SORCS2: variants seen among roughly 807,000 people sequenced by gnomAD.
The protein encoded by SORCS2 is sortilin related VPS10 domain containing receptor 2.
A neutral mutation model predicts 141.6 loss-of-function variants in SORCS2; 100 were observed. That is an observed-to-expected ratio of 0.71 (90% CI 0.60 to 0.83). The LOEUF is 0.83. Among genes scored for constraint, SORCS2 ranks in the 40% least tolerant of loss-of-function variants. SORCS2 has a pLI of 0.00. For synonymous variants in SORCS2, 789 were observed against 676.9 expected (o/e 1.17, Z -2.57); for missense variants, 1,646 against 1,560.2 (o/e 1.05, Z -0.93).
chr4:7,394,544 A>G (rs1366826108), intron 1 of SORCS2, among the ~76,000 whole-genome samples: 1 of 145,546 alleles, frequency 6.9e-6, no homozygotes, highest in Non-Finnish European at 1.5e-5. Context: ...AGAGCATCCC[A>G]GGGTGAGGAA....
intron 3 of SORCS2, among the ~76,000 whole-genome samples, chr4:7,544,295 T>G (rs1458691797): frequency 2.0e-5 from 3 of 152,202 alleles, no homozygotes; most frequent in Non-Finnish European, 4.4e-5. Flanking sequence ...TGAGGTGACA[T>G]CAAGGTGAGA....
At chr4:7,553,182 C>T (rs1056859854) in intron 3 of SORCS2, among the ~76,000 whole-genome samples, 1 of 152,032 alleles carries the variant, frequency 6.6e-6, no homozygotes, top group African/African-American at 2.4e-5. Context: ...CCACAAGGTC[C>T]TAGTGAGATC....
At chr4:7,696,563 C>T (rs754788990) in intron 11 of SORCS2, among the ~76,000 whole-genome samples, 4 of 152,202 alleles carry the variant, frequency 2.6e-5, no homozygotes, top group Non-Finnish European at 5.9e-5. Context: ...CTGCCCACAG[C>T]ATTAAGTCTG....
At chr4:7,595,783 G>C (rs1717235024) in intron 3 of SORCS2, among the ~76,000 whole-genome samples, 1 of 152,172 alleles carries the variant, frequency 6.6e-6, no homozygotes, top group Non-Finnish European at 1.5e-5. Context: ...AGGGACAGTG[G>C]TTCTGACTCT....
intron 2 of SORCS2, among the ~76,000 whole-genome samples, chr4:7,521,071 C>CA (rs1287970352): frequency 6.6e-6 from 1 of 152,062 alleles, no homozygotes; most frequent in East Asian, 1.9e-4. Context: ...CCTTGGGACT[C>CA]AGTTTCCTGG....
chr4:7,617,108 A>C (rs775543700), intron 3 of SORCS2, among the ~76,000 whole-genome samples: 3 of 152,182 alleles, frequency 2.0e-5, no homozygotes, highest in Non-Finnish European at 4.4e-5. Flanking sequence ...AGAATTCTGA[A>C]TATTTTGACT....
chr4:7,282,758 G>A (rs944359878), intron 1 of SORCS2, among the ~76,000 whole-genome samples: 4 of 152,306 alleles, frequency 2.6e-5, no homozygotes, highest in South Asian at 2.1e-4. Context: ...GTCTCACCGC[G>A]AGGCTCAGCC....
intron 1 of SORCS2, among the ~76,000 whole-genome samples, chr4:7,219,118 G>A (rs1315551126): frequency 1.3e-5 from 2 of 151,666 alleles, no homozygotes; most frequent in Non-Finnish European, 2.9e-5. Context: ...CCTCCTGCTT[G>A]TTTCCTTAAT....
intron 3 of SORCS2, among the ~76,000 whole-genome samples, chr4:7,585,255 A>G (rs1044499269): frequency 1.2e-4 from 19 of 152,358 alleles, no homozygotes; most frequent in Admixed American, 9.8e-4. Context: ...TATCACAGGA[A>G]GAATGAGTTG....
intron 8 of SORCS2, 48 bp downstream of exon 8, chr4:7,667,261 T>C (rs765328066): frequency 1.3e-6 from 2 of 1,551,170 alleles, no homozygotes; most frequent in Admixed American, 3.4e-5. Flanking sequence ...ACCCTAAGCT[T>C]ATCCTGACTC....
intron 3 of SORCS2, among the ~76,000 whole-genome samples, chr4:7,625,136 G>A (rs757040853): frequency 4.1e-4 from 62 of 152,186 alleles, no homozygotes; most frequent in Non-Finnish European, 8.1e-4. Flanking sequence ...ATGTTTCCTG[G>A]CATTTTAGCA....
chr4:7,641,141 C>G (rs1298928639), intron 4 of SORCS2, among the ~76,000 whole-genome samples: 2 of 152,228 alleles, frequency 1.3e-5, no homozygotes, highest in African/African-American at 4.8e-5. Context: ...TCCTGTGCCT[C>G]TCTTTCTCAA....
chr4:7,428,398 A>G (rs932143293), intron 2 of SORCS2, among the ~76,000 whole-genome samples: 2 of 152,202 alleles, frequency 1.3e-5, no homozygotes, highest in Admixed American at 1.3e-4. Flanking sequence ...TCTTGGTGAC[A>G]GGACTGTGGC....
intron 1 of SORCS2, among the ~76,000 whole-genome samples, chr4:7,282,756 G>A (rs989128472): frequency 2.3e-4 from 35 of 152,282 alleles, no homozygotes; most frequent in African/African-American, 4.8e-4. Flanking sequence ...TAGTCTCACC[G>A]CGAGGCTCAG....
chr4:7,472,909 T>A (rs1730065027), intron 2 of SORCS2, among the ~76,000 whole-genome samples: 1 of 137,954 alleles, frequency 7.2e-6, no homozygotes, highest in African/African-American at 2.6e-5. Context: ...GGGGCCAAAG[T>A]GTTCATCATA....
At chr4:7,279,012 C>T (rs1715691039) in intron 1 of SORCS2, among the ~76,000 whole-genome samples, 1 of 152,182 alleles carries the variant, frequency 6.6e-6, no homozygotes, top group South Asian at 2.1e-4. Flanking sequence ...CTTGAAGCCA[C>T]CATCTACCCC....
At chr4:7,626,761 T>C (rs749321870) in intron 3 of SORCS2, among the ~76,000 whole-genome samples, 2 of 152,184 alleles carry the variant, frequency 1.3e-5, no homozygotes, top group Non-Finnish European at 2.9e-5. Context: ...TGCACTCAGC[T>C]GTAAGGCCAT....
At chr4:7,320,554 A>T (rs992594498) in intron 1 of SORCS2, among the ~76,000 whole-genome samples, 1 of 152,224 alleles carries the variant, frequency 6.6e-6, no homozygotes, top group African/African-American at 2.4e-5. Flanking sequence ...GTGACAGCTG[A>T]TGTCTGCCAG....
At chr4:7,490,150 C>T (rs1320922170) in intron 2 of SORCS2, among the ~76,000 whole-genome samples, 1 of 152,144 alleles carries the variant, frequency 6.6e-6, no homozygotes, top group Admixed American at 6.5e-5. Context: ...TTGCCTTCTG[C>T]AGAAGGGCCC....
Sources: allele counts gnomAD v4.1 joint callset (sites outside exome capture counted in the v4.1 genomes callset), GRCh38; gene constraint gnomAD v4.1.1; transcripts MANE v1.5; gene names NCBI Gene and HGNC (gene_info 2026-07-23, HGNC 2026-07-21).